The following CDK11A variants were observed in gnomAD, a reference collection of about 807,000 sequenced individuals.
CDK11A encodes the protein cyclin dependent kinase 11A, also known as cyclin-dependent kinase 11A.
Under a neutral mutation model 83.6 loss-of-function variants are expected in CDK11A, and 55 were observed. The ratio of observed to expected loss-of-function variants is 0.66; its 90% CI spans 0.53 to 0.82. The LOEUF is 0.82. Ranked by LOEUF, CDK11A falls within the 40% of genes least tolerant of loss-of-function variation. The pLI is 0.00. For synonymous variants in CDK11A, 247 were observed against 302.7 expected, an observed-to-expected ratio of 0.82 and a Z score of 1.91; for missense variants, 564 against 810.1, an observed-to-expected ratio of 0.70 and a Z score of 3.69.
At chr1:1,714,882 G>T (rs1216018895) in intron 5 of CDK11A, among the ~76,000 whole-genome samples, 3 of 148,590 alleles carry the variant, frequency 2.0e-5, no homozygotes, top group East Asian at 4.0e-4. Flanking sequence ...GTCTTTGGCG[G>T]GATCACAGCT....
Position 1,704,316 on chromosome 1 carries a change from C to G in CDK11A, c.1593G>C (p.Leu531=), listed in dbSNP as rs376932954. 5.7e-4 allele frequency: 923 copies of G among 1,607,296 alleles called. 52 individuals are homozygous for G. Among genetic ancestry groups the G allele is most frequent in the Non-Finnish European group, 7.5e-4 (884 of 1,176,098 alleles). The change falls in exon 15 of 20, where the codon CTG becomes CTC. Residue 531 remains leucine, a synonymous_variant. Transcript: ENST00000404249. ...PGEVKTLMIQ[L]LRGVKHLHDN... is the part of the protein sequence containing the mutation. ...CGTGCAGGTGTTTCACCCCCCGCAG[C>G]AGCTGGATCATCAGGGTCTTCACCT...
In CDK11A at chr1:1,705,148, G is replaced by A. The variant is rs1248055739; in HGVS notation, c.1337-123C>T. ...CCAGCATTTCACGGAGGGGGGTCTCGTTCTAGGTGGGGGCACGTGGGCACC... is the reference window on the plus strand; with the variant it reads ...CCAGCATTTCACGGAGGGGGGTCTCATTCTAGGTGGGGGCACGTGGGCACC... On this transcript the variant is annotated intron_variant, in intron 12 of 19. Coordinates refer to ENST00000404249, the MANE Select transcript of CDK11A (RefSeq NM_024011.4). 34 of 1,371,610 alleles carry A rather than the reference G, an allele frequency of 2.5e-5. 2 individuals are homozygous for A. Among genetic ancestry groups the A allele is most frequent in the Admixed American group, 1.5e-4 (7 of 46,822 alleles). 85.0% of individuals were successfully genotyped at this position (1,371,610 alleles called of 1,614,324 possible).
rs1192682352 is a variant in CDK11A at position 1,702,834 on chromosome 1, C to G, written c.*73G>C. The G allele has an allele frequency of 3.6e-6, 1 of 280,730 alleles. No individual in the cohort carries two copies. The highest frequency in any genetic ancestry group is 6.6e-6 in the Non-Finnish European group (1 of 150,812). The allele number at this position is 280,730 out of a possible 1,614,324, so 17.4% of individuals were successfully genotyped here. A position where few individuals can be genotyped will look rare whatever the true frequency, so the allele number is the denominator to read the frequency against. ...TAAGACGAGGAGTTCCGAGTCTCAT[C>G]GCAGCTCCAGCCGCAGTAGCCACGC... On this transcript the variant is annotated 3_prime_UTR_variant, in exon 20 of 20. Transcript: ENST00000404249.
At chr1:1,715,269 G>C (rs565184022) in intron 5 of CDK11A, among the ~76,000 whole-genome samples, 1 of 128,560 alleles carries the variant, frequency 7.8e-6, no homozygotes, top group Admixed American at 8.7e-5. Context: ...AGCCTCCCAC[G>C]TAGCATATGC....
At chr1:1,723,488 C>CAAAAAAAAA (rs768913380) in intron 1 of CDK11A, among the ~76,000 whole-genome samples, 7 of 20,614 alleles carry the variant, frequency 3.4e-4, no homozygotes, top group East Asian at 1.2e-3. Context: ...GACCCCGTCT[C>CAAAAAAAAA]AAAAAAAAAA....
chr1:1,722,417 G>A (rs1031648829), intron 2 of CDK11A: 18 of 574,514 alleles, frequency 3.1e-5, no homozygotes, highest in Non-Finnish European at 4.2e-5. Flanking sequence ...AATACTTAGA[G>A]ATAGTATTAT....
At chr1:1,708,285 G>A (rs1264968570) in intron 9 of CDK11A, 40 bp from the exon 10 acceptor site, 1 of 1,418,580 alleles carries the variant, frequency 7.0e-7, no homozygotes, top group African/African-American at 1.5e-5. Flanking sequence ...CCAGCACCGG[G>A]GCGAGTGCTG....
chr1:1,714,890 G>C (rs1644580922), intron 5 of CDK11A, among the ~76,000 whole-genome samples: 1 of 148,898 alleles, frequency 6.7e-6, no homozygotes, highest in Non-Finnish European at 1.5e-5. Context: ...CGGGATCACA[G>C]CTGCTCCCAA....
chr1:1,708,894 T>TTCC lies in CDK11A; in HGVS notation c.900_902dup (p.Glu301dup), dbSNP rs1225294060. 13 of 954,642 alleles carry TTCC rather than the reference T, an allele frequency of 1.4e-5. No individual in the cohort carries two copies. Among genetic ancestry groups the TTCC allele is most frequent in the South Asian group, 2.8e-5 (2 of 70,998 alleles). The allele number at this position is 954,642 out of a possible 1,614,324, so 59.1% of individuals were successfully genotyped here. On this transcript the variant is annotated inframe_insertion, in exon 9 of 20. Transcript: ENST00000404249. ...CCTCTGATTCTTCACTGGTGCTCCCTTCCTCCTCCTCCTCTTCCTCCTCCT... is the reference window on the plus strand; with the variant it reads ...CCTCTGATTCTTCACTGGTGCTCCCTTCCTCCTCCTCCTCCTCTTCCTCCTCCT...
At chr1:1,703,761 C>A in intron 17 of CDK11A, 63 bp downstream of exon 17, 4 of 1,592,022 alleles carry the variant, frequency 2.5e-6, no homozygotes, top group Non-Finnish European at 3.4e-6. Context: ...CTGTGCGCCC[C>A]GCAGCCCCAT....
At chr1:1,717,110 C>T (rs922112427) in intron 4 of CDK11A, among the ~76,000 whole-genome samples, 1 of 150,006 alleles carries the variant, frequency 6.7e-6, no homozygotes, top group Non-Finnish European at 1.5e-5. Context: ...AAACTATCTG[C>T]AGTAAGCGTC....
intron 2 of CDK11A, chr1:1,722,443 G>C (rs1480339185): frequency 2.7e-6 from 2 of 743,170 alleles, no homozygotes; most frequent in African/African-American, 1.6e-5. Flanking sequence ...TACTAATAAT[G>C]AACCGAGAAA....
rs546195989 is a variant in CDK11A, at chr1:1,716,081, C to G, written c.488+265G>C. ...GCTGGAATTCTAGCGTGAGCCACTG[C>G]GCCCGGCGGGACGTGCAGATTTCTG... On this transcript the variant is annotated intron_variant, in intron 5 of 19. Coordinates refer to ENST00000404249, the MANE Select transcript of CDK11A (RefSeq NM_024011.4). Among the ~76,000 whole-genome samples the G allele has an allele frequency of 5.9e-4, 89 of 150,866 alleles. 2 individuals are homozygous for G. The highest frequency in any genetic ancestry group is 2.1e-3 in the African/African-American group (88 of 41,152).
chr1:1,715,852 C>A (rs575888182), intron 5 of CDK11A, among the ~76,000 whole-genome samples: 3 of 150,788 alleles, frequency 2.0e-5, no homozygotes, highest in African/African-American at 7.3e-5. Flanking sequence ...TAAAGGGGAA[C>A]GAATATACAG....
chr1:1,717,167 GAA>G (rs1644695311), intron 4 of CDK11A, among the ~76,000 whole-genome samples: 1 of 150,996 alleles, frequency 6.6e-6, no homozygotes, highest in Admixed American at 6.6e-5. Context: ...TGCTATCACA[GAA>G]GAGAATTGTA....
chr1:1,721,508 G>C, intron 3 of CDK11A, 88 bp downstream of exon 3: 1 of 1,445,666 alleles, frequency 6.9e-7, no homozygotes, highest in Non-Finnish European at 9.5e-7. Context: ...AGTTACAATA[G>C]CACACAGTTG....
rs777216116 is a variant in CDK11A at position 1,703,842 on chromosome 1, C to A, written c.1893G>T (p.Gln631His). 1 of 1,609,814 alleles carries A rather than the reference C, an allele frequency of 6.2e-7. No homozygotes were observed. The highest frequency in any genetic ancestry group is 8.5e-7 in the Non-Finnish European group (1 of 1,176,990). ...GACCCACCTTGAACACTTTGTTGAT[C>A]TGATCGATTTCCGAATTCCCGGGGA... ...PLFPGNSEID[Q>H]INKVFKELGT... The change falls in exon 17 of 20, where the codon CAG (glutamine) becomes CAT (histidine). Residue 631 changes from glutamine (Q) to histidine (H), a missense_variant. Physicochemically the swap from Gln to His is conservative, Grantham distance 24. Coordinates refer to ENST00000404249, the MANE Select transcript of CDK11A (RefSeq NM_024011.4).
In CDK11A at chr1:1,702,688, C is replaced by T; in HGVS notation, c.*219G>A. ...GGAGGTTTGTGCTGCCCCACGTGGG[C>T]ACCCGAAGATGCCCTGGCAAGTCAC... On this transcript the variant is annotated 3_prime_UTR_variant, in exon 20 of 20. Transcript: ENST00000404249. The T allele has an allele frequency of 1.6e-6, 1 of 609,578 alleles. No individual in the cohort carries two copies. The highest frequency in any genetic ancestry group is 2.8e-5 in the Admixed American group (1 of 35,632). The allele number at this position is 609,578 out of a possible 1,614,324, so 37.8% of individuals were successfully genotyped here.
intron 9 of CDK11A, 33 bp from the exon 10 acceptor site, chr1:1,708,278 G>A (rs1313443536): frequency 7.0e-7 from 1 of 1,430,226 alleles, no homozygotes; most frequent in Non-Finnish European, 9.4e-7. Flanking sequence ...GCTCAGACCA[G>A]CACCGGGGCG....
Sources: gnomAD v4.1 joint callset for allele counts (sites outside exome capture counted in the v4.1 genomes callset) on GRCh38, gnomAD v4.1.1 for gene constraint, MANE v1.5 for transcripts, NCBI Gene and HGNC (gene_info 2026-07-23, HGNC 2026-07-21) for gene names.